The following NACC2 variants were observed in gnomAD, a reference collection of about 807,000 sequenced individuals.
NACC2 encodes nucleus accumbens-associated protein 2.
In NACC2, 8 loss-of-function variants were observed where a neutral mutation model predicts 25.1. The ratio of observed to expected loss-of-function variants is 0.32; its 90% CI spans 0.19 to 0.57. NACC2 has a LOEUF of 0.57. NACC2 is among the 20% of genes least tolerant of loss of function. The pLI, the probability that NACC2 is intolerant of heterozygous loss-of-function variation, is 0.89. For synonymous variants in NACC2, 435 were observed against 294.7 expected (o/e 1.48, Z -4.88); for missense variants, 644 against 650.2 (o/e 0.99, Z 0.10).
intron 2 of NACC2, among the ~76,000 whole-genome samples, chr9:136,041,664 C>A (rs1840634721): frequency 6.6e-6 from 1 of 151,954 alleles, no homozygotes; most frequent in South Asian, 2.1e-4. Flanking sequence ...CAGAAATATT[C>A]CAAAATTGAT....
chr9:136,067,352 A>C (rs369612531), intron 1 of NACC2, among the ~76,000 whole-genome samples: 2 of 152,070 alleles, frequency 1.3e-5, no homozygotes, highest in Non-Finnish European at 2.9e-5. Flanking sequence ...AATGACTACT[A>C]AAGGGTGTGG....
At chr9:136,024,370 A>T (rs78985728) in intron 2 of NACC2, among the ~76,000 whole-genome samples, 2 of 79,946 alleles carry the variant, frequency 2.5e-5, no homozygotes, top group African/African-American at 4.5e-5. Flanking sequence ...TGAGGACAGA[A>T]GGTGTGTGTG....
intron 1 of NACC2, among the ~76,000 whole-genome samples, chr9:136,089,098 A>C (rs1398999476): frequency 6.6e-6 from 1 of 152,150 alleles, no homozygotes. Flanking sequence ...GCTGCCAACC[A>C]CCTGACCAGC....
rs1186262180 is a variant in NACC2, at chr9:136,011,571, TG to T, written c.1708del (p.Gln570ArgfsTer31). On this transcript the variant is annotated frameshift_variant, in exon 6 of 6. Transcript: ENST00000277554. LOFTEE classifies it high-confidence loss of function. ...EQGGGGPSRP[Q>X]TPAAAARRPE... ...CCTCCGGGCCGCGGCCGCCGGCGTC[TG>T]GGGCCTGCTGGGGCCGCCCCCGCCC... 1 of 1,404,762 alleles carries T rather than the reference TG, an allele frequency of 7.1e-7. No individual in the cohort carries two copies. The highest frequency in any genetic ancestry group is 9.2e-7 in the Non-Finnish European group (1 of 1,085,286). 87.0% of individuals were successfully genotyped at this position (1,404,762 alleles called of 1,614,324 possible).
intron 2 of NACC2, among the ~76,000 whole-genome samples, chr9:136,044,968 C>A (rs980765694): frequency 6.6e-6 from 1 of 152,196 alleles, no homozygotes; most frequent in Non-Finnish European, 1.5e-5. Context: ...AAGGGTGGGG[C>A]CCGCAGCAGG....
chr9:136,058,106 G>C (rs978670956), intron 1 of NACC2, among the ~76,000 whole-genome samples: 32 of 146,566 alleles, frequency 2.2e-4, no homozygotes, highest in Non-Finnish European at 4.0e-4. Context: ...CACTGGGGGC[G>C]GGGGGGGCCC....
intron 2 of NACC2, among the ~76,000 whole-genome samples, chr9:136,041,020 GA>G (rs1252998474): frequency 1.7e-4 from 23 of 138,838 alleles, no homozygotes; most frequent in South Asian, 9.3e-4. Flanking sequence ...GGAAGGAAAG[GA>G]AAGGAAAGAA....
In NACC2 at chr9:136,007,898, C is replaced by A. The variant is rs1840049110; in HGVS notation, c.*3618G>T. 6.6e-6 allele frequency: 1 copy of A among 152,278 alleles called. No individual in the cohort carries two copies. Among genetic ancestry groups the A allele is most frequent in the South Asian group, 2.1e-4 (1 of 4,838 alleles). The allele number at this position is 152,278 out of a possible 1,614,324, so 9.4% of individuals were successfully genotyped here. A position where few individuals can be genotyped will look rare whatever the true frequency, so the allele number is the denominator to read the frequency against. On this transcript the variant is annotated 3_prime_UTR_variant, in exon 6 of 6. Transcript: ENST00000277554. ...AATGAGGACAGGTCAGGGTCAGGCA[C>A]TAGAGCCCCCTCAGAGGGGGACCAG...
chr9:136,051,490 T>C (rs1840835640), intron 1 of NACC2, among the ~76,000 whole-genome samples: 1 of 151,870 alleles, frequency 6.6e-6, no homozygotes, highest in South Asian at 2.1e-4. Context: ...AGGGCGCCGC[T>C]GTTTATCTGG....
At chr9:136,080,569 C>T (rs1830311659) in intron 1 of NACC2, among the ~76,000 whole-genome samples, 1 of 152,018 alleles carries the variant, frequency 6.6e-6, no homozygotes, top group African/African-American at 2.4e-5. Flanking sequence ...AACTCCATCT[C>T]CCCACTACCC....
At chr9:136,078,191 C>G (rs1830283031) in intron 1 of NACC2, among the ~76,000 whole-genome samples, 1 of 152,188 alleles carries the variant, frequency 6.6e-6, no homozygotes, top group Non-Finnish European at 1.5e-5. Context: ...CCCTCATCCC[C>G]AAGGCCGGGT....
intron 2 of NACC2, among the ~76,000 whole-genome samples, chr9:136,031,375 T>A: frequency 6.9e-6 from 1 of 144,360 alleles, no homozygotes; most frequent in Middle Eastern, 3.5e-3. Context: ...TCTTGCTCCA[T>A]CACCCAGGCT....
intron 1 of NACC2, among the ~76,000 whole-genome samples, chr9:136,093,662 C>T (rs577528064): frequency 1.3e-5 from 2 of 152,362 alleles, no homozygotes; most frequent in African/African-American, 4.8e-5. Flanking sequence ...CTTTTATTTC[C>T]TCCCCTTGGA....
chr9:136,025,628 A>C (rs78151781), intron 2 of NACC2, among the ~76,000 whole-genome samples: 1 of 151,894 alleles, frequency 6.6e-6, no homozygotes, highest in South Asian at 2.1e-4. Flanking sequence ...AAAAAAAAAA[A>C]CGCAGCCGGG....
Position 136,013,137 on chromosome 9 carries a change from C to A in NACC2, c.1255+62G>T. On this transcript the variant is annotated intron_variant, in intron 5 of 5. Transcript: ENST00000277554. This position sits in a 1 kb window ranked among gnomAD's most constrained non-coding sequence, Gnocchi z 6.6. Reference sequence around the variant, plus strand: ...CACCCCCGCGGCCCACCCAGTCCTCCTCAGGCTGGGATCTGAACCCAGCCC... The same window carrying A: ...CACCCCCGCGGCCCACCCAGTCCTCATCAGGCTGGGATCTGAACCCAGCCC... The A allele has an allele frequency of 6.8e-7, 1 of 1,480,964 alleles. No homozygotes were observed. Among genetic ancestry groups the A allele is most frequent in the African/African-American group, 1.4e-5 (1 of 71,876 alleles). The allele number at this position is 1,480,964 out of a possible 1,614,324, so 91.7% of individuals were successfully genotyped here. A position where few individuals can be genotyped will look rare whatever the true frequency, so the allele number is the denominator to read the frequency against.
At position 136,011,415 on chromosome 9, in the gene NACC2, T is replaced by G. The variant is rs568764514; in HGVS notation, c.*101A>C. The G allele has an allele frequency of 2.5e-5, 30 of 1,194,230 alleles. No individual in the cohort carries two copies. In the East Asian group the frequency reaches 8.9e-4, roughly 35 times the overall value. The allele number at this position is 1,194,230 out of a possible 1,614,324, so 74.0% of individuals were successfully genotyped here. ...AAATCACATTTTTCTCAGGCAACAG[T>G]AGCAGTTCAGTAGGTAAGTGGCTTG... On this transcript the variant is annotated 3_prime_UTR_variant, in exon 6 of 6. Transcript: ENST00000277554.
Position 136,013,856 on chromosome 9 carries a change from C to T in NACC2, c.1157+8G>A, listed in dbSNP as rs377753442. 61 of 1,611,290 alleles carry T rather than the reference C, an allele frequency of 3.8e-5. No homozygotes were observed. Among genetic ancestry groups the T allele is most frequent in the African/African-American group, 9.4e-5 (7 of 74,862 alleles). ...ATTGTGCCCTCCAGCACTCCTGCCC[C>T]GACCTACCTGTCAAAGAAGGTGGCC... On this transcript the variant is annotated splice_region_variant and intron_variant, in intron 4 of 5. Coordinates refer to ENST00000277554, the MANE Select transcript of NACC2 (RefSeq NM_144653.5). This position sits in a 1 kb window ranked among gnomAD's most constrained non-coding sequence, Gnocchi z 6.6.
intron 2 of NACC2, among the ~76,000 whole-genome samples, chr9:136,049,229 G>T (rs955477562): frequency 1.5e-4 from 23 of 152,346 alleles, no homozygotes; most frequent in Admixed American, 1.4e-3. Flanking sequence ...TGGCAAAGGG[G>T]CTGGGTTCAG....
chr9:136,046,340 C>T (rs1012787934), intron 2 of NACC2, among the ~76,000 whole-genome samples: 65 of 152,330 alleles, frequency 4.3e-4, no homozygotes, highest in African/African-American at 1.5e-3. Context: ...GGGCGTTTCC[C>T]TTCCGGTGGA....
Sources: gnomAD v4.1 joint callset for allele counts (sites outside exome capture counted in the v4.1 genomes callset) on GRCh38, gnomAD v4.1.1 for gene constraint, Gnocchi (gnomAD v3.1) non-coding constraint, MANE v1.5 for transcripts, NCBI Gene and HGNC (gene_info 2026-07-23, HGNC 2026-07-21) for gene names.